The following MIPOL1 variants were observed in gnomAD, a reference collection of about 807,000 sequenced individuals.
MIPOL1 encodes the protein mirror-image polydactyly 1.
In MIPOL1, 57 loss-of-function variants were observed where a neutral mutation model predicts 60.9. The observed-to-expected ratio is 0.94, with a 90% CI of 0.76 to 1.17. The LOEUF is 1.17. Ranked by LOEUF, MIPOL1 falls within the 50% of genes most tolerant of loss-of-function variation. The pLI is 0.00. For synonymous variants in MIPOL1, 179 were observed against 168.8 expected (o/e 1.06, Z -0.47); for missense variants, 551 against 511.6 (o/e 1.08, Z -0.74).
intron 9 of MIPOL1, among the ~76,000 whole-genome samples, chr14:37,363,308 T>G (rs888030144): frequency 6.6e-6 from 1 of 152,178 alleles, no homozygotes; most frequent in Non-Finnish European, 1.5e-5. Context: ...GTAGGTGTCC[T>G]TTTTGTGGAT....
chr14:37,380,634 C>T (rs1360607002), intron 10 of MIPOL1, among the ~76,000 whole-genome samples: 1 of 152,110 alleles, frequency 6.6e-6, no homozygotes, highest in East Asian at 1.9e-4. Context: ...AAATGTAATA[C>T]TTATGATACT....
intron 9 of MIPOL1, among the ~76,000 whole-genome samples, chr14:37,314,997 T>A (rs1225580706): frequency 6.6e-6 from 1 of 151,826 alleles, no homozygotes; most frequent in Non-Finnish European, 1.5e-5. Flanking sequence ...TATGTTTTCA[T>A]ATGGAAATGT....
At chr14:37,384,201 A>G (rs1048841286) in intron 10 of MIPOL1, among the ~76,000 whole-genome samples, 3 of 151,936 alleles carry the variant, frequency 2.0e-5, no homozygotes, top group African/African-American at 7.2e-5. Context: ...ATACTATATA[A>G]TGTCGTTCAC....
chr14:37,251,871 T>G (rs1357480924), intron 3 of MIPOL1, among the ~76,000 whole-genome samples: 1 of 151,932 alleles, frequency 6.6e-6, no homozygotes, highest in Non-Finnish European at 1.5e-5. Context: ...GTATACATAC[T>G]TGCAATTTTG....
At chr14:37,354,261 G>T (rs1274458980) in intron 9 of MIPOL1, among the ~76,000 whole-genome samples, 1 of 150,250 alleles carries the variant, frequency 6.7e-6, no homozygotes, top group Non-Finnish European at 1.5e-5. Context: ...ATTGCACTGT[G>T]GTCTGAGAGA....
intron 12 of MIPOL1, among the ~76,000 whole-genome samples, chr14:37,527,908 C>T (rs1440965142): frequency 6.6e-6 from 1 of 151,858 alleles, no homozygotes; most frequent in Non-Finnish European, 1.5e-5. Context: ...AATTCTCTGT[C>T]AGGCTCATAA....
intron 7 of MIPOL1, among the ~76,000 whole-genome samples, chr14:37,294,826 A>C (rs1239707315): frequency 6.6e-6 from 1 of 152,100 alleles, no homozygotes; most frequent in Non-Finnish European, 1.5e-5. Context: ...ATCTACATCT[A>C]ATTGGTGTAC....
At chr14:37,276,117 A>G (rs1213182429) in intron 6 of MIPOL1, among the ~76,000 whole-genome samples, 2 of 150,980 alleles carry the variant, frequency 1.3e-5, no homozygotes, top group East Asian at 3.9e-4. Context: ...CTCTCTCTCT[A>G]TTATCTAATC....
chr14:37,364,876 T>G (rs376459784), intron 9 of MIPOL1, among the ~76,000 whole-genome samples: 2 of 152,174 alleles, frequency 1.3e-5, no homozygotes, highest in African/African-American at 4.8e-5. Context: ...CTTTTCATTT[T>G]TTGGTGTTCT....
At chr14:37,525,689 T>C (rs2095442157) in intron 12 of MIPOL1, among the ~76,000 whole-genome samples, 1 of 152,182 alleles carries the variant, frequency 6.6e-6, no homozygotes, top group Non-Finnish European at 1.5e-5. Context: ...CAATGAGATA[T>C]ATGTGAATTG....
chr14:37,485,352 A>G (rs2094931553), intron 11 of MIPOL1, among the ~76,000 whole-genome samples: 2 of 152,144 alleles, frequency 1.3e-5, no homozygotes, highest in Admixed American at 1.3e-4. Context: ...ATACCCAGTA[A>G]TGGTATTGCT....
chr14:37,315,363 T>C (rs2087761955), intron 9 of MIPOL1, among the ~76,000 whole-genome samples: 1 of 152,098 alleles, frequency 6.6e-6, no homozygotes, highest in Non-Finnish European at 1.5e-5. Context: ...GCAGAAGACA[T>C]AGGCAGCAGA....
At chr14:37,464,413 A>T (rs1425528417) in intron 11 of MIPOL1, among the ~76,000 whole-genome samples, 1 of 152,204 alleles carries the variant, frequency 6.6e-6, no homozygotes, top group Non-Finnish European at 1.5e-5. Flanking sequence ...AAAAGAATGA[A>T]AATATGTCAT....
chr14:37,426,570 C>CACATATATATAT (rs2093964019), intron 11 of MIPOL1, among the ~76,000 whole-genome samples: 3 of 85,540 alleles, frequency 3.5e-5, no homozygotes, highest in Middle Eastern at 6.6e-3. Flanking sequence ...TCAAAATATA[C>CACATATATATAT]ATATATATAT....
In MIPOL1 at chr14:37,514,914, C is replaced by A. The variant is rs1204030408; in HGVS notation, c.1262+14776C>A. ...GGTATACTAGGTACAGCTTTTATTC[C>A]CAAAATATAATTGGGAGAAACTCAA... On this transcript the variant is annotated intron_variant, in intron 12 of 12. Transcript: ENST00000684589. Among the ~76,000 whole-genome samples the A allele has an allele frequency of 3.3e-5, 5 of 152,020 alleles. No individual in the cohort carries two copies. In the East Asian group the frequency reaches 9.6e-4, roughly 29 times the overall value.
intron 9 of MIPOL1, among the ~76,000 whole-genome samples, chr14:37,321,750 T>C (rs995486095): frequency 6.6e-6 from 1 of 152,000 alleles, no homozygotes; most frequent in Non-Finnish European, 1.5e-5. Context: ...TTGAAGCCAT[T>C]TTATTATGTA....
At chr14:37,304,516 G>C (rs2086623980) in intron 7 of MIPOL1, among the ~76,000 whole-genome samples, 1 of 151,716 alleles carries the variant, frequency 6.6e-6, no homozygotes, top group African/African-American at 2.4e-5. Context: ...GTGGTGGTGT[G>C]TAGAAAATGA....
At chr14:37,286,378 G>A (rs909257889) in intron 7 of MIPOL1, among the ~76,000 whole-genome samples, 1 of 152,132 alleles carries the variant, frequency 6.6e-6, no homozygotes, top group African/African-American at 2.4e-5. Flanking sequence ...GGTTCATTAG[G>A]CCTGGGTTGG....
In MIPOL1 at chr14:37,548,014, T is replaced by G. The variant is rs1226662557; in HGVS notation, c.*1043T>G. ...ATGAAGTTATGAATAGAACTGAGAT[T>G]TTTATGTAATTAGTTATAGGCAAAA... On this transcript the variant is annotated 3_prime_UTR_variant, in exon 13 of 13. Coordinates refer to ENST00000684589, the MANE Select transcript of MIPOL1 (RefSeq NM_001388067.1). 1.3e-5 allele frequency: 2 copies of G among 152,050 alleles called. No homozygotes were observed. The highest frequency in any genetic ancestry group is 2.9e-5 in the Non-Finnish European group (2 of 67,928). The allele number at this position is 152,050 out of a possible 1,614,324, so 9.4% of individuals were successfully genotyped here. A position where few individuals can be genotyped will look rare whatever the true frequency, so the allele number is the denominator to read the frequency against.
Sources: gnomAD v4.1 joint callset for allele counts (sites outside exome capture counted in the v4.1 genomes callset) on GRCh38, gnomAD v4.1.1 for gene constraint, MANE v1.5 for transcripts, NCBI Gene and HGNC (gene_info 2026-07-23, HGNC 2026-07-21) for gene names.